MT1X: variants seen among roughly 807,000 people sequenced by gnomAD.
The protein encoded by MT1X is metallothionein 1X.
Under a neutral mutation model 8.6 loss-of-function variants are expected in MT1X, and 7 were observed. That is an observed-to-expected ratio of 0.81 (90% CI 0.46 to 1.52). The LOEUF (loss-of-function observed/expected upper bound fraction) is 1.52, where lower values mean the gene tolerates loss of function less well. Ranked by LOEUF, MT1X falls within the 40% of genes most tolerant of loss-of-function variation. The probability of loss-of-function intolerance (pLI) is 0.01; values close to 1 mark genes in which losing one functional copy is unlikely to be tolerated. For missense variants in MT1X, 72 were observed against 74.3 expected (o/e 0.97, Z 0.11); for synonymous variants, 25 against 27.6 (o/e 0.91, Z 0.30).
chr16:56,682,802 G>C, intron 1 of MT1X: 1 of 612,344 alleles, frequency 1.6e-6, no homozygotes, highest in South Asian at 2.1e-5. Context: ...CACCCAGTTG[G>C]TCAGGGGGCT....
intron 1 of MT1X, 172 bp downstream of exon 1, chr16:56,682,740 C>T: frequency 2.5e-6 from 2 of 805,658 alleles, no homozygotes; most frequent in Non-Finnish European, 4.0e-6. Context: ...CCTCCCTGTG[C>T]CTCTAAGTTA....
At chr16:56,682,906 G>T in intron 1 of MT1X, 1 of 595,624 alleles carries the variant, frequency 1.7e-6, no homozygotes, top group Non-Finnish European at 3.0e-6. Context: ...AGGACAGAAG[G>T]TTCTGGCCTC....
At chr16:56,683,116 A>G (rs1249964629) in intron 1 of MT1X, 49 bp from the exon 2 acceptor site, 2 of 1,608,516 alleles carry the variant, frequency 1.2e-6, no homozygotes, top group South Asian at 1.1e-5. Flanking sequence ...CAGCTGCTGT[A>G]CCTTCTGCAT....
At position 56,683,855 on chromosome 16, in the gene MT1X, G is replaced by A. The variant is rs1597085584; in HGVS notation, c.95-103G>A. 3.3e-6 allele frequency: 5 copies of A among 1,494,742 alleles called. No individual in the cohort carries two copies. In the East Asian group the frequency reaches 1.1e-4, roughly 34 times the overall value. The allele number at this position is 1,494,742 out of a possible 1,614,324, so 92.6% of individuals were successfully genotyped here. A position where few individuals can be genotyped will look rare whatever the true frequency, so the allele number is the denominator to read the frequency against. On this transcript the variant is annotated intron_variant, in intron 2 of 2. Coordinates refer to ENST00000394485, the MANE Select transcript of MT1X (RefSeq NM_005952.4). ...CAAAGCCATGCCATCCTGAAATGAT[G>A]GTCCTCTGGGGCTGGAGGCAGGGCT...
At chr16:56,682,717 A>C in intron 1 of MT1X, 149 bp downstream of exon 1, 1 of 993,290 alleles carries the variant, frequency 1.0e-6, no homozygotes, top group Non-Finnish European at 1.5e-6. Flanking sequence ...CACGTCCCTG[A>C]GACCACTTCT....
At position 56,684,103 on chromosome 16, in the gene MT1X, ATT is replaced by A. The variant is rs34700091; in HGVS notation, c.*73_*74del. On this transcript the variant is annotated 3_prime_UTR_variant, in exon 3 of 3. Transcript: ENST00000394485. ...AATAGAGCAACCTATATAAACCTGGATTTTTTTTTTTTTTTTTTTTGTACAAC... is the reference window on the plus strand; with the variant it reads ...AATAGAGCAACCTATATAAACCTGGATTTTTTTTTTTTTTTTTTGTACAAC... 143,252 of 1,236,230 alleles carry A rather than the reference ATT, an allele frequency of 0.12. 80 individuals are homozygous for A. Among genetic ancestry groups the A allele is most frequent in the East Asian group, 0.16 (5,692 of 36,712 alleles). 76.6% of individuals were successfully genotyped at this position (1,236,230 alleles called of 1,614,324 possible). A position where few individuals can be genotyped will look rare whatever the true frequency, so the allele number is the denominator to read the frequency against.
At chr16:56,683,905 G>A in intron 2 of MT1X, 53 bp from the exon 3 acceptor site, 1 of 1,611,282 alleles carries the variant, frequency 6.2e-7, no homozygotes, top group Non-Finnish European at 8.5e-7. Context: ...GTTGGGGCAG[G>A]GAGGTGCCTG....
intron 2 of MT1X, 120 bp downstream of exon 2, chr16:56,683,350 TG>T: frequency 8.6e-7 from 1 of 1,160,364 alleles, no homozygotes; most frequent in East Asian, 2.5e-5. Context: ...CTTCAACACC[TG>T]ATTCAGAATC....
rs1961038089 is a variant in MT1X, at chr16:56,684,147, C to T, written c.*98C>T. On this transcript the variant is annotated 3_prime_UTR_variant, in exon 3 of 3. Coordinates refer to ENST00000394485, the MANE Select transcript of MT1X (RefSeq NM_005952.4). ...TTGTACAACCCTGACCCGTTTGCTA[C>T]ATCTTTTTTTCTATGAAATATGTGA... 7.3e-7 allele frequency: 1 copy of T among 1,375,068 alleles called. No individual in the cohort carries two copies. The highest frequency in any genetic ancestry group is 9.7e-7 in the Non-Finnish European group (1 of 1,026,888). 85.2% of individuals were successfully genotyped at this position (1,375,068 alleles called of 1,614,324 possible).
At chr16:56,683,740 C>T (rs750043077) in intron 2 of MT1X, 22 of 627,668 alleles carry the variant, frequency 3.5e-5, no homozygotes, top group Non-Finnish European at 6.0e-5. Context: ...ACTACCTGTC[C>T]AGTCTTCTGT....
At position 56,683,401 on chromosome 16, in the gene MT1X, C is replaced by G. The variant is rs1353861800; in HGVS notation, c.94+171C>G. 7.3e-6 allele frequency: 5 copies of G among 683,754 alleles called. No homozygotes were observed. The South Asian group carries it at 9.4e-5, about 13-fold the overall frequency. The allele number at this position is 683,754 out of a possible 1,614,324, so 42.4% of individuals were successfully genotyped here. The stretch of plus-strand genomic sequence containing the variant: ...CTTAAAAATGGGTGAGTCCCAGCCT[C>G]TTATTACCAAACTAGAAACTGAGGC... On this transcript the variant is annotated intron_variant, in intron 2 of 2. Transcript: ENST00000394485.
At chr16:56,683,902 C>T in intron 2 of MT1X, 56 bp from the exon 3 acceptor site, 1 of 1,610,282 alleles carries the variant, frequency 6.2e-7, no homozygotes, top group Non-Finnish European at 8.5e-7. Context: ...TCTGTTGGGG[C>T]AGGGAGGTGC....
chr16:56,683,668 C>T (rs1961029037), intron 2 of MT1X: 2 of 444,816 alleles, frequency 4.5e-6, no homozygotes, highest in African/African-American at 4.0e-5. Flanking sequence ...GCTGTGAAGA[C>T]TTTCCTCATT....
intron 1 of MT1X, chr16:56,682,915 T>G: frequency 5.0e-6 from 3 of 598,808 alleles, no homozygotes; most frequent in Non-Finnish European, 8.8e-6. Flanking sequence ...GGTTCTGGCC[T>G]CCTGTCTTAG....
chr16:56,682,716 G>A (rs1298820936), intron 1 of MT1X, 148 bp downstream of exon 1: 5 of 1,003,578 alleles, frequency 5.0e-6, no homozygotes, highest in Non-Finnish European at 7.6e-6. Flanking sequence ...TCACGTCCCT[G>A]AGACCACTTC....
At chr16:56,682,722 A>G in intron 1 of MT1X, 154 bp downstream of exon 1, 1 of 918,916 alleles carries the variant, frequency 1.1e-6, no homozygotes, top group Non-Finnish European at 1.7e-6. Flanking sequence ...CCCTGAGACC[A>G]CTTCTCGCCT....
intron 1 of MT1X, chr16:56,682,889 G>C (rs1351312045): frequency 1.7e-6 from 1 of 584,914 alleles, no homozygotes; most frequent in Non-Finnish European, 3.0e-6. Flanking sequence ...TTGCCTCTTC[G>C]GAGTTCAGGA....
chr16:56,683,086 G>A, intron 1 of MT1X, 79 bp from the exon 2 acceptor site: 1 of 1,546,124 alleles, frequency 6.5e-7, no homozygotes, highest in Non-Finnish European at 8.9e-7. Flanking sequence ...CAGAGGAGGG[G>A]TCACTGAAGC....
chr16:56,683,020 G>A, intron 1 of MT1X, 145 bp from the exon 2 acceptor site: 4 of 945,508 alleles, frequency 4.2e-6, no homozygotes, highest in Non-Finnish European at 6.5e-6. Flanking sequence ...AGGAGATGGG[G>A]CTTCTCTTCC....
Sources: gnomAD v4.1 joint callset for allele counts on GRCh38, gnomAD v4.1.1 for gene constraint, MANE v1.5 for transcripts, NCBI Gene and HGNC (gene_info 2026-07-23, HGNC 2026-07-21) for gene names.